The following LIPH variants were observed in gnomAD, a reference collection of about 807,000 sequenced individuals.
LIPH encodes the protein lipase member H.
In LIPH, 32 loss-of-function variants were observed where a neutral mutation model predicts 47.6. The ratio of observed to expected loss-of-function variants is 0.67; its 90% CI spans 0.51 to 0.90. The LOEUF (loss-of-function observed/expected upper bound fraction) is 0.90, where lower values mean the gene tolerates loss of function less well. Among genes scored for constraint, LIPH ranks in the 40% least tolerant of loss-of-function variants. LIPH has a pLI of 0.00. For synonymous variants in LIPH, 190 were observed against 195.6 expected (o/e 0.97, Z 0.24); for missense variants, 497 against 541.4 (o/e 0.92, Z 0.81).
At chr3:185,532,098 G>C (rs1720348200) in intron 3 of LIPH, among the ~76,000 whole-genome samples, 1 of 152,128 alleles carries the variant, frequency 6.6e-6, no homozygotes, top group African/African-American at 2.4e-5. Context: ...TTGAGAATTT[G>C]ATGAAAATTC....
intron 1 of LIPH, among the ~76,000 whole-genome samples, chr3:185,535,945 T>C (rs1333874694): frequency 6.6e-6 from 1 of 152,184 alleles, no homozygotes; most frequent in African/African-American, 2.4e-5. Context: ...TAGTGACCTC[T>C]TGCTTCAGCA....
At chr3:185,515,057 A>G (rs1291599844) in intron 7 of LIPH, among the ~76,000 whole-genome samples, 1 of 152,064 alleles carries the variant, frequency 6.6e-6, no homozygotes, top group Non-Finnish European at 1.5e-5. Flanking sequence ...TTTCAACTTA[A>G]TGTCATTCCT....
chr3:185,546,801 T>C, intron 1 of LIPH: 1 of 373,334 alleles, frequency 2.7e-6, no homozygotes, highest in Non-Finnish European at 5.1e-6. Context: ...TAAGAACTTG[T>C]CTAAAAACAA....
intron 1 of LIPH, among the ~76,000 whole-genome samples, chr3:185,541,705 A>T (rs916708551): frequency 2.5e-4 from 38 of 149,484 alleles, no homozygotes; most frequent in Admixed American, 6.7e-5. Context: ...CCACCCAGCC[A>T]TATTTGTGGA....
At chr3:185,551,722 T>C (rs1463530870) in intron 1 of LIPH, among the ~76,000 whole-genome samples, 1 of 152,122 alleles carries the variant, frequency 6.6e-6, no homozygotes, top group Admixed American at 6.6e-5. Flanking sequence ...ATTTACCCTT[T>C]GCCCTTCAAA....
intron 3 of LIPH, among the ~76,000 whole-genome samples, chr3:185,529,195 AAAAAAG>A (rs1553823030): frequency 2.0e-5 from 3 of 148,292 alleles, no homozygotes; most frequent in South Asian, 2.1e-4. Flanking sequence ...AAAAAAAAGA[AAAAAAG>A]AAAAAGAAAA....
In LIPH at chr3:185,519,274, C is replaced by G. The variant is rs960010245; in HGVS notation, c.754G>C (p.Val252Leu). The part of the protein sequence containing the change: ...QYFKCDHQRS[V>L]YLYLSSLRES... ...CTCAGGGAAGACAGGTACAGGTATA[C>G]AGACCTCTGGTGGTCACATTTAAAA... is the stretch of plus-strand genomic sequence containing the variant. The change falls in exon 6 of 10, where the codon GTA becomes CTA. Residue 252 changes from valine to leucine, a missense_variant. By Grantham distance (32) the Val-to-Leu change is conservative. Transcript: ENST00000296252. 1 of 1,613,288 alleles carries G rather than the reference C, an allele frequency of 6.2e-7. No individual in the cohort carries two copies.
At chr3:185,549,542 C>T (rs988974806) in intron 1 of LIPH, among the ~76,000 whole-genome samples, 1 of 152,138 alleles carries the variant, frequency 6.6e-6, no homozygotes, top group African/African-American at 2.4e-5. Flanking sequence ...TTTAAAAATA[C>T]TTATGTCAAG....
chr3:185,533,670 C>T lies in LIPH; in HGVS notation c.427G>A (p.Ala143Thr). 1 of 1,609,854 alleles carries T rather than the reference C, an allele frequency of 6.2e-7. No homozygotes were observed. Among genetic ancestry groups the T allele is most frequent in the East Asian group, 2.2e-5 (1 of 44,864 alleles). The change falls in exon 3 of 10, where the codon GCT (alanine) becomes ACT (threonine). Residue 143 changes from alanine (A) to threonine (T), a missense_variant. By Grantham distance (58) the Ala-to-Thr change is moderately conservative. Coordinates refer to ENST00000296252, the MANE Select transcript of LIPH (RefSeq NM_139248.3). ...EFIDQMLAEG[A>T]SLDDIYMIGV... ...ATCATGTAAATGTCATCAAGAGAAG[C>T]TCCTTCTGCCTGGAATTTCAAGAGG...
At chr3:185,526,605 T>A (rs28532056) in intron 4 of LIPH, among the ~76,000 whole-genome samples, 2,324 of 57,452 alleles carry the variant, frequency 0.04, 71 homozygotes, top group African/African-American at 0.13. Context: ...TAAAATAAAA[T>A]AAAAAATAAA....
Position 185,508,615 on chromosome 3 carries a change from T to G in LIPH, c.*175A>C. The G allele has an allele frequency of 1.6e-6, 1 of 631,226 alleles. No homozygotes were observed. The highest frequency in any genetic ancestry group is 2.8e-6 in the Non-Finnish European group (1 of 351,558). The allele number at this position is 631,226 out of a possible 1,614,324, so 39.1% of individuals were successfully genotyped here. On this transcript the variant is annotated 3_prime_UTR_variant, in exon 10 of 10. Coordinates refer to ENST00000296252, the MANE Select transcript of LIPH (RefSeq NM_139248.3). ...AGTTAGGGGCTCCTTCCCAGGATCG[T>G]TTTATAATCACAAGGTTGTTTGATG...
intron 1 of LIPH, among the ~76,000 whole-genome samples, chr3:185,548,520 G>A (rs1720952558): frequency 6.6e-6 from 1 of 151,686 alleles, no homozygotes; most frequent in Non-Finnish European, 1.5e-5. Flanking sequence ...CTGAGGTCAG[G>A]AGTTCGAGAC....
intron 5 of LIPH, among the ~76,000 whole-genome samples, chr3:185,520,998 T>G (rs1017618848): frequency 6.6e-6 from 1 of 151,236 alleles, no homozygotes; most frequent in Non-Finnish European, 1.5e-5. Context: ...GCCTCCCGAG[T>G]AGGTGAGATT....
chr3:185,540,945 G>A (rs1449212056), intron 1 of LIPH, among the ~76,000 whole-genome samples: 1 of 152,086 alleles, frequency 6.6e-6, no homozygotes, highest in African/African-American at 2.4e-5. Flanking sequence ...CATGTGTTCT[G>A]CTGCTGATCT....
At chr3:185,549,462 A>AT (rs1032776521) in intron 1 of LIPH, among the ~76,000 whole-genome samples, 2 of 152,160 alleles carry the variant, frequency 1.3e-5, no homozygotes, top group African/African-American at 4.8e-5. Flanking sequence ...GCATTAAACA[A>AT]TTTTTTCTGG....
rs1227496595 is a variant in LIPH at position 185,529,225 on chromosome 3, G to GA, written c.527-1641dup. On this transcript the variant is annotated intron_variant, in intron 3 of 9. Transcript: ENST00000296252. ...AGAAAAAGAAAAAGAAAGAAAAAAG[G>GA]AAAAAAAAAATCAGCAGCTCCAAAA... Among the ~76,000 whole-genome samples the GA allele has an allele frequency of 3.7e-3, 517 of 139,198 alleles. 1 individual carries two copies. The highest frequency in any genetic ancestry group is 0.013 in the African/African-American group (480 of 38,176). The allele number at this position is 139,198 out of a possible 152,430, so 91.3% of individuals were successfully genotyped here.
chr3:185,517,423 G>A (rs1400880223), intron 6 of LIPH, among the ~76,000 whole-genome samples: 1 of 152,188 alleles, frequency 6.6e-6, no homozygotes, highest in East Asian at 1.9e-4. Flanking sequence ...GAGGTGTGGG[G>A]TGTGGCACAC....
chr3:185,509,787 A>C (rs1462479537), intron 9 of LIPH, among the ~76,000 whole-genome samples: 1 of 152,104 alleles, frequency 6.6e-6, no homozygotes, highest in East Asian at 1.9e-4. Context: ...GTTTCCTGAC[A>C]ATTTCTGTAC....
At chr3:185,525,336 A>G (rs1720035095) in intron 4 of LIPH, among the ~76,000 whole-genome samples, 1 of 152,192 alleles carries the variant, frequency 6.6e-6, no homozygotes, top group Non-Finnish European at 1.5e-5. Flanking sequence ...GTAGGTGTAC[A>G]TACATATGCA....
Sources: gnomAD v4.1 joint callset for allele counts (sites outside exome capture counted in the v4.1 genomes callset) on GRCh38, gnomAD v4.1.1 for gene constraint, MANE v1.5 for transcripts, NCBI Gene and HGNC (gene_info 2026-07-23, HGNC 2026-07-21) for gene names.